NSUN4: variants seen among roughly 807,000 people sequenced by gnomAD.
The protein encoded by NSUN4 is 5-cytosine rRNA methyltransferase NSUN4.
In NSUN4, 31 loss-of-function variants were observed where a neutral mutation model predicts 43.8. That is an observed-to-expected ratio of 0.71 (90% CI 0.53 to 0.96). The LOEUF (loss-of-function observed/expected upper bound fraction) is 0.96, where lower values mean the gene tolerates loss of function less well. Among genes scored for constraint, NSUN4 ranks in the 40% least tolerant of loss-of-function variants. The pLI, the probability that NSUN4 is intolerant of heterozygous loss-of-function variation, is 0.00. For synonymous variants in NSUN4, 167 were observed against 184.1 expected, an observed-to-expected ratio of 0.91 and a Z score of 0.75; for missense variants, 439 against 475.6, an observed-to-expected ratio of 0.92 and a Z score of 0.72.
At chr1:46,343,061 T>C (rs1177974709) in intron 1 of NSUN4, 6 of 399,686 alleles carry the variant, frequency 1.5e-5, no homozygotes, top group African/African-American at 6.2e-5. Context: ...TCTCGGCCAA[T>C]AGTTATGCTC....
intron 2 of NSUN4, among the ~76,000 whole-genome samples, chr1:46,345,593 A>G (rs1167131343): frequency 1.3e-5 from 2 of 152,218 alleles, no homozygotes; most frequent in African/African-American, 4.8e-5. Context: ...CCACCCATCA[A>G]AGTGAATAGG....
the NSUN4 span, among the ~76,000 whole-genome samples, chr1:46,377,540 C>T: frequency 6.6e-6 from 1 of 152,280 alleles, no homozygotes; most frequent in Admixed American, 6.5e-5. Context: ...TGTTTTCTCC[C>T]ACATCAACTT....
the NSUN4 span, among the ~76,000 whole-genome samples, chr1:46,381,102 T>A: frequency 2.0e-5 from 3 of 152,292 alleles, no homozygotes; most frequent in South Asian, 6.2e-4. Flanking sequence ...CTCTGAATCA[T>A]GTGCCATCTT....
the NSUN4 span, among the ~76,000 whole-genome samples, chr1:46,377,303 G>C: frequency 6.6e-6 from 1 of 152,142 alleles, no homozygotes; most frequent in African/African-American, 2.4e-5. Flanking sequence ...ACCCGCCTTG[G>C]CCTCCTGAAG....
intron 4 of NSUN4, 28 bp downstream of exon 4, chr1:46,353,056 A>G: frequency 6.2e-7 from 1 of 1,608,656 alleles, no homozygotes; most frequent in Non-Finnish European, 8.5e-7. Context: ...TAGGACATGC[A>G]TCCAGCTTAA....
chr1:46,370,326 T>G, the NSUN4 span, among the ~76,000 whole-genome samples: 1 of 152,212 alleles, frequency 6.6e-6, no homozygotes, highest in African/African-American at 2.4e-5. Context: ...ATACGAAACC[T>G]TTCAATGAGT....
intron 4 of NSUN4, among the ~76,000 whole-genome samples, chr1:46,353,965 C>T (rs1663187856): frequency 1.3e-5 from 2 of 152,168 alleles, no homozygotes. Flanking sequence ...ACCAGTTTCA[C>T]TCCTACTGGT....
chr1:46,345,400 A>T (rs1662417258), intron 2 of NSUN4: 2 of 437,484 alleles, frequency 4.6e-6, no homozygotes, highest in South Asian at 3.5e-5. Context: ...TAAGATTCTT[A>T]CTTGCTTTAG....
At chr1:46,382,322 C>T in the NSUN4 span, among the ~76,000 whole-genome samples, 1 of 152,148 alleles carries the variant, frequency 6.6e-6, no homozygotes, top group African/African-American at 2.4e-5. Context: ...CAAATAGGGC[C>T]ACTATGCAAT....
chr1:46,384,145 T>A, the NSUN4 span, among the ~76,000 whole-genome samples: 1 of 152,198 alleles, frequency 6.6e-6, no homozygotes, highest in Non-Finnish European at 1.5e-5. Flanking sequence ...GTGGAGTAGG[T>A]AATCAAAAAA....
the NSUN4 span, among the ~76,000 whole-genome samples, chr1:46,381,312 G>A: frequency 1.8e-3 from 268 of 152,254 alleles, 1 homozygote; most frequent in Middle Eastern, 6.8e-3. Context: ...AGGTGTCAGT[G>A]GATGTCTGTT....
the NSUN4 span, among the ~76,000 whole-genome samples, chr1:46,380,385 T>C: frequency 6.6e-6 from 1 of 152,192 alleles, no homozygotes. Flanking sequence ...AATGGTGTGG[T>C]GTTACCTTCT....
At chr1:46,359,704 C>A (rs1051830200) in intron 4 of NSUN4, among the ~76,000 whole-genome samples, 19 of 150,528 alleles carry the variant, frequency 1.3e-4, no homozygotes, top group Admixed American at 6.6e-5. Flanking sequence ...GTGTGTGCCA[C>A]CATGCCTGGC....
intron 1 of NSUN4, chr1:46,341,863 A>C: frequency 8.1e-7 from 1 of 1,232,878 alleles, no homozygotes; most frequent in Non-Finnish European, 1.0e-6. Context: ...CCCTGTCTTC[A>C]AGGCACGTAC....
chr1:46,378,483 C>T, the NSUN4 span, among the ~76,000 whole-genome samples: 1 of 152,210 alleles, frequency 6.6e-6, no homozygotes, highest in African/African-American at 2.4e-5. Flanking sequence ...AGGCATGAGC[C>T]ACTGTGCCTG....
At chr1:46,375,950 T>C in the NSUN4 span, among the ~76,000 whole-genome samples, 2,563 of 149,912 alleles carry the variant, frequency 0.017, 40 homozygotes, top group Non-Finnish European at 0.021. Flanking sequence ...CTACTAAAAA[T>C]ACAAAATTAG....
rs572752374 is a variant in NSUN4, at chr1:46,349,158, G to C, written c.592+2083G>C. Among the ~76,000 whole-genome samples the C allele has an allele frequency of 3.3e-3, 379 of 113,302 alleles. 2 individuals carry two copies. The highest frequency in any genetic ancestry group is 0.012 in the African/African-American group (358 of 29,626). 74.3% of individuals were successfully genotyped at this position (113,302 alleles called of 152,430 possible). On this transcript the variant is annotated intron_variant, in intron 3 of 5. Transcript: ENST00000474844. Reference sequence around the variant, plus strand: ...TTTGTTTTTTTGTTTTTTTTTTTTTGAGACGGAGTCTTGTTCTGTCACCCA... The same window carrying C: ...TTTGTTTTTTTGTTTTTTTTTTTTTCAGACGGAGTCTTGTTCTGTCACCCA...
At chr1:46,378,435 G>A in the NSUN4 span, among the ~76,000 whole-genome samples, 3 of 152,124 alleles carry the variant, frequency 2.0e-5, no homozygotes, top group Non-Finnish European at 4.4e-5. Context: ...GACCTCAAGT[G>A]ATCCTCCCGC....
At chr1:46,372,202 G>A in the NSUN4 span, among the ~76,000 whole-genome samples, 2 of 149,390 alleles carry the variant, frequency 1.3e-5, no homozygotes, top group Non-Finnish European at 3.0e-5. Flanking sequence ...GTGCAGTGGC[G>A]CGATCTCGGC....
Sources: gnomAD v4.1 joint callset for allele counts (sites outside exome capture counted in the v4.1 genomes callset) on GRCh38, gnomAD v4.1.1 for gene constraint, MANE v1.5 for transcripts, NCBI Gene and HGNC (gene_info 2026-07-23, HGNC 2026-07-21) for gene names.